POLB: variants seen among roughly 807,000 people sequenced by gnomAD.
The protein encoded by POLB is 5'-dRP lyase.
POLB carries 37 observed loss-of-function variants against 52.7 expected under a neutral mutation model. The ratio of observed to expected loss-of-function variants is 0.70; its 90% CI spans 0.54 to 0.92. The LOEUF is 0.92. Ranked by LOEUF, POLB falls within the 40% of genes least tolerant of loss-of-function variation. The probability of loss-of-function intolerance (pLI) is 0.00; values close to 1 mark genes in which losing one functional copy is unlikely to be tolerated. For synonymous variants in POLB, 138 were observed against 131.3 expected, an observed-to-expected ratio of 1.05 and a Z score of -0.35; for missense variants, 313 against 400.8, an observed-to-expected ratio of 0.78 and a Z score of 1.87.
Position 42,369,332 on chromosome 8 carries a change from T to C in POLB, c.770T>C (p.Ile257Thr). ...GAATATCCACACAGAAGAATTGATA[T>C]CAGGTATTGTTCAGACTTTGTTGCT... ...EKEYPHRRID[I>T]RLIPKDQYYC... Residue 257 changes from isoleucine to threonine, a missense_variant, in exon 12 of 14, where the codon ATC becomes ACC. This residue lies in a region of POLB where 246 missense variants were observed against 297.6 expected (regional missense o/e 0.83). Coordinates refer to ENST00000265421, the MANE Select transcript of POLB (RefSeq NM_002690.3). The C allele has an allele frequency of 3.2e-6, 5 of 1,562,510 alleles. No homozygotes were observed. Among genetic ancestry groups the C allele is most frequent in the Non-Finnish European group, 3.5e-6 (4 of 1,135,000 alleles).
rs768008212 is a variant in POLB, at chr8:42,355,507, T to G, written c.371-9T>G. On this transcript the variant is annotated splice_polypyrimidine_tract_variant and intron_variant, in intron 6 of 13. Transcript: ENST00000265421. ...ATTAACATGTCAACTTTATTTATCT[T>G]CTATACAGATCTCAGAAAAAATGAA... The G allele has an allele frequency of 6.6e-7, 1 of 1,511,224 alleles. No individual in the cohort carries two copies. The highest frequency in any genetic ancestry group is 9.2e-7 in the Non-Finnish European group (1 of 1,088,716). The allele number at this position is 1,511,224 out of a possible 1,614,324, so 93.6% of individuals were successfully genotyped here. A position where few individuals can be genotyped will look rare whatever the true frequency, so the allele number is the denominator to read the frequency against.
intron 4 of POLB, chr8:42,349,301 AT>A: frequency 2.4e-6 from 1 of 423,194 alleles, no homozygotes; most frequent in Non-Finnish European, 4.2e-6. Flanking sequence ...AACACCCGTA[AT>A]AGAGTTGGCT....
At position 42,342,338 on chromosome 8, in the gene POLB, A is replaced by G. The variant is rs1400759602; in HGVS notation, c.120-2615A>G. On this transcript the variant is annotated intron_variant, in intron 2 of 13. Transcript: ENST00000265421. ...CTGTGGGCCAGCAGCAGGCCAGTAC[A>G]ATATGTTGCAGCATAATTTGTCAGG... 8 of 1,512,208 alleles carry G rather than the reference A, an allele frequency of 5.3e-6. No individual in the cohort carries two copies. In the Admixed American group the frequency reaches 1.3e-4, roughly 25 times the overall value. 93.7% of individuals were successfully genotyped at this position (1,512,208 alleles called of 1,614,324 possible).
intron 2 of POLB, among the ~76,000 whole-genome samples, chr8:42,344,558 GGC>G: frequency 6.6e-6 from 1 of 151,952 alleles, no homozygotes; most frequent in Admixed American, 6.6e-5. Flanking sequence ...AATTAGGCCA[GGC>G]GCAGTGGCTC....
At position 42,369,336 on chromosome 8, in the gene POLB, G is replaced by C. The variant is rs776624116; in HGVS notation, c.773+1G>C. 6.4e-7 allele frequency: 1 copy of C among 1,553,046 alleles called. No homozygotes were observed. Among genetic ancestry groups the C allele is most frequent in the Non-Finnish European group, 8.9e-7 (1 of 1,127,524 alleles). On this transcript the variant is annotated splice_donor_variant, in intron 12 of 13. Coordinates refer to ENST00000265421, the MANE Select transcript of POLB (RefSeq NM_002690.3). LOFTEE classifies it high-confidence loss of function. The stretch of plus-strand genomic sequence containing the variant: ...ATCCACACAGAAGAATTGATATCAG[G>C]TATTGTTCAGACTTTGTTGCTGACC...
chr8:42,345,294 A>C (rs767161530), intron 3 of POLB, among the ~76,000 whole-genome samples: 8 of 152,204 alleles, frequency 5.3e-5, no homozygotes, highest in Admixed American at 2.0e-4. Context: ...CTCACGTTGA[A>C]TTTCAACTTG....
intron 9 of POLB, among the ~76,000 whole-genome samples, chr8:42,358,710 T>G (rs1823487392): frequency 6.6e-6 from 1 of 152,116 alleles, no homozygotes; most frequent in Admixed American, 6.5e-5. Context: ...ACTAAATCCA[T>G]ACTCACTGAT....
intron 11 of POLB, 152 bp downstream of exon 11, chr8:42,362,850 C>T (rs767876444): frequency 1.9e-5 from 11 of 564,458 alleles, no homozygotes; most frequent in South Asian, 7.4e-5. Flanking sequence ...AGGGGCCGGG[C>T]GCGGTGGCTC....
At chr8:42,360,988 T>A (rs1823641836) in intron 9 of POLB, 1 of 457,584 alleles carries the variant, frequency 2.2e-6, no homozygotes. Context: ...TATTTTAAAA[T>A]ATTGTTTTTA....
intron 6 of POLB, chr8:42,354,479 T>C (rs1297890038): frequency 3.1e-6 from 4 of 1,277,074 alleles, no homozygotes; most frequent in Non-Finnish European, 4.1e-6. Context: ...ACTTTTAGAC[T>C]TAATATGGGA....
intron 3 of POLB, 121 bp downstream of exon 3, chr8:42,345,140 C>T (rs1229933235): frequency 1.5e-6 from 1 of 652,426 alleles, no homozygotes; most frequent in Non-Finnish European, 2.8e-6. Context: ...TTCACTACTC[C>T]TGATTTCTTG....
chr8:42,341,358 T>G (rs1822191195), intron 2 of POLB, among the ~76,000 whole-genome samples: 1 of 152,234 alleles, frequency 6.6e-6, no homozygotes, highest in South Asian at 2.1e-4. Context: ...CCATAAACTG[T>G]GTTTGCCTGC....
chr8:42,342,409 C>T, intron 2 of POLB: 1 of 1,440,096 alleles, frequency 6.9e-7, no homozygotes. Flanking sequence ...ATATGCTGCG[C>T]AGACTATCAT....
chr8:42,364,946 G>T (rs1311238098), intron 11 of POLB, among the ~76,000 whole-genome samples: 4 of 152,054 alleles, frequency 2.6e-5, no homozygotes, highest in Non-Finnish European at 5.9e-5. Context: ...AAAATAGTAG[G>T]CACAGTGGCT....
chr8:42,338,495 T>G lies in POLB; in HGVS notation c.-130T>G, dbSNP rs1056600594. 5.9e-6 allele frequency: 4 copies of G among 682,002 alleles called. No individual in the cohort carries two copies. The highest frequency in any genetic ancestry group is 3.5e-5 in the East Asian group (1 of 28,894). The allele number at this position is 682,002 out of a possible 1,614,324, so 42.2% of individuals were successfully genotyped here. The stretch of plus-strand genomic sequence containing the variant: ...CCCCGCCCCCCATCGGGGGCAACCA[T>G]TGTTCCGCCGGTCGCGCCGGAGCTG... On this transcript the variant is annotated 5_prime_UTR_variant, in exon 1 of 14. Coordinates refer to ENST00000265421, the MANE Select transcript of POLB (RefSeq NM_002690.3).
intron 11 of POLB, among the ~76,000 whole-genome samples, chr8:42,366,839 G>A (rs1000021062): frequency 4.6e-5 from 7 of 152,160 alleles, no homozygotes. Context: ...AAATTAAATA[G>A]TATATGTGGA....
intron 11 of POLB, among the ~76,000 whole-genome samples, chr8:42,363,285 T>G (rs1391751917): frequency 6.6e-6 from 1 of 151,836 alleles, no homozygotes. Context: ...TCCCAGCTCT[T>G]TGGGAGGCCG....
intron 9 of POLB, among the ~76,000 whole-genome samples, chr8:42,360,122 A>ATTTTT (rs35244690): frequency 6.9e-6 from 1 of 145,578 alleles, no homozygotes; most frequent in African/African-American, 2.5e-5. Context: ...TAATTTTTGT[A>ATTTTT]TTTTTTTTTT....
chr8:42,359,738 T>C (rs1823558751), intron 9 of POLB, among the ~76,000 whole-genome samples: 1 of 151,802 alleles, frequency 6.6e-6, no homozygotes, highest in South Asian at 2.1e-4. Context: ...TCCAGTCCGC[T>C]ATTAATGGAC....
Sources: gnomAD v4.1 joint callset for allele counts (sites outside exome capture counted in the v4.1 genomes callset) on GRCh38, gnomAD v4.1.1 for gene constraint, gnomAD v4.1.1 regional missense constraint, MANE v1.5 for transcripts, NCBI Gene and HGNC (gene_info 2026-07-23, HGNC 2026-07-21) for gene names.